Variants in ARHGAP18 observed in about 807,000 individuals in gnomAD.
ARHGAP18 encodes the protein Rho GTPase activating protein 18, also known as rho GTPase-activating protein 18.
Under a neutral mutation model 86.2 loss-of-function variants are expected in ARHGAP18, and 67 were observed. That is an observed-to-expected ratio of 0.78 (90% confidence interval 0.64 to 0.95). ARHGAP18 has a LOEUF of 0.95. Ranked by LOEUF, ARHGAP18 falls within the 40% of genes least tolerant of loss-of-function variation. ARHGAP18 has a pLI of 0.00. For missense variants in ARHGAP18, 691 were observed against 780.4 expected, an observed-to-expected ratio of 0.89 and a Z score of 1.37; for synonymous variants, 283 against 280.4, an observed-to-expected ratio of 1.01 and a Z score of -0.09.
chr6:129,576,534 T>C lies in ARHGAP18; in HGVS notation c.*1979A>G. 6.6e-6 allele frequency: 1 copy of C among 152,198 alleles called. No homozygotes were observed. The highest frequency in any genetic ancestry group is 1.9e-4 in the East Asian group (1 of 5,196). 9.4% of individuals were successfully genotyped at this position (152,198 alleles called of 1,614,324 possible). ...GTGATATTATTCAACATTGATGAACTTGGGTCGTGAGTTCTAAAAGGGATT... is the reference window on the plus strand; with the variant it reads ...GTGATATTATTCAACATTGATGAACCTGGGTCGTGAGTTCTAAAAGGGATT... On this transcript the variant is annotated 3_prime_UTR_variant, in exon 15 of 15. Coordinates refer to ENST00000368149, the MANE Select transcript of ARHGAP18 (RefSeq NM_033515.3).
At chr6:129,683,028 A>G (rs1346485165) in intron 1 of ARHGAP18, among the ~76,000 whole-genome samples, 6 of 151,858 alleles carry the variant, frequency 4.0e-5, no homozygotes, top group African/African-American at 1.2e-4. Context: ...TCAGGAAAAA[A>G]AAAGTGAGAA....
intron 4 of ARHGAP18, among the ~76,000 whole-genome samples, chr6:129,631,824 A>G (rs890615302): frequency 6.6e-6 from 1 of 152,040 alleles, no homozygotes; most frequent in Non-Finnish European, 1.5e-5. Context: ...GAAGCTATAC[A>G]TATCAATATA....
At chr6:129,588,956 T>C (rs907235745) in intron 12 of ARHGAP18, among the ~76,000 whole-genome samples, 2 of 152,190 alleles carry the variant, frequency 1.3e-5, no homozygotes, top group African/African-American at 2.4e-5. Flanking sequence ...CTTTTAGCCA[T>C]GGCTGGAGCT....
At position 129,629,536 on chromosome 6, in the gene ARHGAP18, G is replaced by T. The variant is rs1334405711; in HGVS notation, c.617-14C>A. The stretch of plus-strand genomic sequence containing the variant: ...TAGATGCCTCGTCTAGGGGCCCGGG[G>T]GGAAAGAACCCAATTCATATGCTTT... On this transcript the variant is annotated splice_polypyrimidine_tract_variant and intron_variant, in intron 4 of 14. Coordinates refer to ENST00000368149, the MANE Select transcript of ARHGAP18 (RefSeq NM_033515.3). 6.3e-7 allele frequency: 1 copy of T among 1,596,518 alleles called. No individual in the cohort carries two copies. The highest frequency in any genetic ancestry group is 8.5e-7 in the Non-Finnish European group (1 of 1,174,976).
intron 7 of ARHGAP18, among the ~76,000 whole-genome samples, chr6:129,613,247 A>AAC (rs1789021369): frequency 6.6e-6 from 1 of 151,426 alleles, no homozygotes; most frequent in Non-Finnish European, 1.5e-5. Flanking sequence ...AAAAAAAAAA[A>AAC]AAGAAAAGAA....
chr6:129,653,783 C>T (rs896982805), intron 1 of ARHGAP18, among the ~76,000 whole-genome samples: 2 of 151,468 alleles, frequency 1.3e-5, no homozygotes, highest in Non-Finnish European at 2.9e-5. Context: ...CAAAAAGCTA[C>T]TTGTGGGTTA....
chr6:129,679,170 TACTA>T (rs71696309), intron 1 of ARHGAP18, among the ~76,000 whole-genome samples: 6,416 of 152,334 alleles, frequency 0.042, 175 homozygotes, highest in South Asian at 0.11. Flanking sequence ...AATAAATCCT[TACTA>T]TTCATCTGAT....
chr6:129,662,648 T>C (rs1773975945), intron 1 of ARHGAP18, among the ~76,000 whole-genome samples: 1 of 152,216 alleles, frequency 6.6e-6, no homozygotes, highest in African/African-American at 2.4e-5. Flanking sequence ...CATGACCTTG[T>C]AGCCACAGGC....
At chr6:129,632,199 T>C (rs1413040316) in intron 4 of ARHGAP18, among the ~76,000 whole-genome samples, 2 of 152,208 alleles carry the variant, frequency 1.3e-5, no homozygotes, top group African/African-American at 2.4e-5. Flanking sequence ...TGAAAGAGCA[T>C]GGCATTGCCC....
chr6:129,649,553 CAA>C (rs35700328), intron 1 of ARHGAP18, among the ~76,000 whole-genome samples: 909 of 49,942 alleles, frequency 0.018, 6 homozygotes, highest in African/African-American at 0.065. Context: ...TCTCTGTCTC[CAA>C]AAAAAAAAAA....
intron 7 of ARHGAP18, among the ~76,000 whole-genome samples, chr6:129,614,707 A>T (rs891360612): frequency 6.6e-6 from 1 of 150,786 alleles, no homozygotes; most frequent in Admixed American, 6.6e-5. Flanking sequence ...CATAGCGCCC[A>T]GGTGTTCAGT....
At chr6:129,645,485 T>C (rs913509572) in intron 1 of ARHGAP18, among the ~76,000 whole-genome samples, 1 of 152,144 alleles carries the variant, frequency 6.6e-6, no homozygotes, top group African/African-American at 2.4e-5. Context: ...AACACACAGT[T>C]TATACCACAG....
At chr6:129,664,301 CTTCCT>C (rs1392438860) in intron 1 of ARHGAP18, among the ~76,000 whole-genome samples, 2 of 152,174 alleles carry the variant, frequency 1.3e-5, no homozygotes, top group Admixed American at 1.3e-4. Flanking sequence ...GATTGTGGTC[CTTCCT>C]TTATCAGTAA....
chr6:129,695,991 AGAAAG>A (rs1774610472), intron 1 of ARHGAP18, among the ~76,000 whole-genome samples: 1 of 152,224 alleles, frequency 6.6e-6, no homozygotes, highest in Non-Finnish European at 1.5e-5. Context: ...TAAAAAAGAA[AGAAAG>A]GAAATCCTAC....
In ARHGAP18 at chr6:129,676,915, CTTTTTTTTTTTTTTTTTT is replaced by C. The variant is rs10688716; in HGVS notation, c.113+33091_113+33108del. Among the ~76,000 whole-genome samples, 32 of 37,962 alleles carry C rather than the reference CTTTTTTTTTTTTTTTTTT, an allele frequency of 8.4e-4. 1 individual carries two copies. The highest frequency in any genetic ancestry group is 1.9e-3 in the African/African-American group (28 of 14,490). 24.9% of individuals were successfully genotyped at this position (37,962 alleles called of 152,430 possible). A position where few individuals can be genotyped will look rare whatever the true frequency, so the allele number is the denominator to read the frequency against. On this transcript the variant is annotated intron_variant, in intron 1 of 14. Coordinates refer to ENST00000368149, the MANE Select transcript of ARHGAP18 (RefSeq NM_033515.3). ...AAACAGATGAAAAATTTTTTGTCCT[CTTTTTTTTTTTTTTTTTT>C]TTTTTTTTTTTTTTTAAGGAAGGAA... is the stretch of plus-strand genomic sequence containing the variant.
intron 1 of ARHGAP18, among the ~76,000 whole-genome samples, chr6:129,677,852 G>A (rs2114534397): frequency 6.6e-6 from 1 of 152,130 alleles, no homozygotes; most frequent in East Asian, 1.9e-4. Context: ...AGAAACCTTT[G>A]CTCCCAAACT....
intron 1 of ARHGAP18, among the ~76,000 whole-genome samples, chr6:129,673,539 G>A (rs1774177227): frequency 6.6e-6 from 1 of 152,108 alleles, no homozygotes; most frequent in Non-Finnish European, 1.5e-5. Flanking sequence ...AGTCAACAAT[G>A]ATTCATACAT....
intron 5 of ARHGAP18, among the ~76,000 whole-genome samples, chr6:129,619,156 T>C (rs1039560264): frequency 1.5e-5 from 2 of 134,448 alleles, no homozygotes; most frequent in Non-Finnish European, 3.1e-5. Context: ...AGACTTCTAG[T>C]TAAGTGACCT....
intron 1 of ARHGAP18, among the ~76,000 whole-genome samples, chr6:129,700,913 T>C (rs1371067552): frequency 6.6e-6 from 1 of 151,514 alleles, no homozygotes; most frequent in Admixed American, 6.6e-5. Context: ...CCACTTACAC[T>C]CATTCATTCA....
Sources: gnomAD v4.1 joint callset for allele counts (sites outside exome capture counted in the v4.1 genomes callset) on GRCh38, gnomAD v4.1.1 for gene constraint, MANE v1.5 for transcripts, NCBI Gene and HGNC (gene_info 2026-07-23, HGNC 2026-07-21) for gene names.